Variants in BAIAP2L2 observed in about 807,000 individuals in gnomAD.
BAIAP2L2 encodes the protein BAR/IMD domain containing adaptor protein 2 like 2.
BAIAP2L2 carries 65 observed loss-of-function variants against 60.4 expected under a neutral mutation model. That is an observed-to-expected ratio of 1.08 (90% CI 0.88 to 1.32). The LOEUF (loss-of-function observed/expected upper bound fraction) is 1.32, where lower values mean the gene tolerates loss of function less well. Ranked by LOEUF, BAIAP2L2 falls within the 40% of genes most tolerant of loss-of-function variation. BAIAP2L2 has a pLI of 0.00. For synonymous variants in BAIAP2L2, 344 were observed against 301.7 expected, an observed-to-expected ratio of 1.14 and a Z score of -1.45; for missense variants, 836 against 741.2, an observed-to-expected ratio of 1.13 and a Z score of -1.48.
At chr22:38,109,342 C>A (rs562167223) in intron 1 of BAIAP2L2, 134 bp from the exon 2 acceptor site, 6 of 686,484 alleles carry the variant, frequency 8.7e-6, no homozygotes, top group Non-Finnish European at 1.5e-5. Context: ...CTTTGGGGGG[C>A]CCATCTACAA....
intron 7 of BAIAP2L2, among the ~76,000 whole-genome samples, chr22:38,096,771 A>G (rs1432718891): frequency 1.3e-5 from 2 of 152,288 alleles, no homozygotes; most frequent in African/African-American, 2.4e-5. Context: ...TGGTCCACAC[A>G]TGAATAAATA....
chr22:38,103,416 T>C (rs2086603838), intron 4 of BAIAP2L2, among the ~76,000 whole-genome samples: 1 of 152,190 alleles, frequency 6.6e-6, no homozygotes, highest in Non-Finnish European at 1.5e-5. Flanking sequence ...GTATTCAGAT[T>C]ATGGCTTTGA....
In BAIAP2L2 at chr22:38,085,103, C is replaced by T; in HGVS notation, c.*197G>A. On this transcript the variant is annotated 3_prime_UTR_variant, in exon 14 of 14. Coordinates refer to ENST00000381669, the MANE Select transcript of BAIAP2L2 (RefSeq NM_025045.6). ...TTGTCCTGTCCCCCCATTCCGCCTG[C>T]TTTACTTTGAAGGTCTCGGACCCCA... The T allele has an allele frequency of 1.8e-6, 1 of 565,622 alleles. No homozygotes were observed. The allele number at this position is 565,622 out of a possible 1,614,324, so 35.0% of individuals were successfully genotyped here.
At chr22:38,095,585 G>A (rs947500924) in intron 7 of BAIAP2L2, among the ~76,000 whole-genome samples, 4 of 152,046 alleles carry the variant, frequency 2.6e-5, no homozygotes, top group African/African-American at 7.3e-5. Context: ...GGCTGGTCTC[G>A]AACTCCTGAC....
chr22:38,105,261 GT>G (rs1366941610), intron 4 of BAIAP2L2, among the ~76,000 whole-genome samples: 1 of 151,374 alleles, frequency 6.6e-6, no homozygotes, highest in Non-Finnish European at 1.5e-5. Context: ...TCCACAAGCT[GT>G]CCTTTCTGTC....
chr22:38,108,326 G>A lies in BAIAP2L2; in HGVS notation c.143C>T (p.Ala48Val), dbSNP rs1223685934. ...LRAFHALSEA[A>V]EVYFSAIQKI... is the part of the protein sequence containing the mutation. ...CTGGATGGCACTGAAGTAGACCTCG[G>A]CCGCCTCGGACAGAGCTGTGGACCA... Residue 48 changes from alanine (A) to valine (V), a missense_variant, in exon 3 of 14, where the codon GCC (alanine) becomes GTC (valine). Transcript: ENST00000381669. 2 of 1,612,550 alleles carry A rather than the reference G, an allele frequency of 1.2e-6. No homozygotes were observed. The highest frequency in any genetic ancestry group is 1.3e-5 in the African/African-American group (1 of 75,054).
At position 38,098,088 on chromosome 22, in the gene BAIAP2L2, CTCTT is replaced by C. The variant is rs2086483712; in HGVS notation, c.436_439del (p.Lys146GlufsTer8). ...CTTCATCTCCCGCACGTTCTTGTCT[CTCTT>C]GCGCTCCATGCGCCACAGCTCAGAC... On this transcript the variant is annotated frameshift_variant, in exon 6 of 14. Coordinates refer to ENST00000381669, the MANE Select transcript of BAIAP2L2 (RefSeq NM_025045.6). LOFTEE classifies it high-confidence loss of function. The C allele has an allele frequency of 1.3e-6, 2 of 1,554,550 alleles. No individual in the cohort carries two copies. Among genetic ancestry groups the C allele is most frequent in the Non-Finnish European group, 1.8e-6 (2 of 1,141,566 alleles).
chr22:38,086,526 C>T (rs2086079149), intron 11 of BAIAP2L2, 77 bp from the exon 12 acceptor site: 1 of 1,186,938 alleles, frequency 8.4e-7, no homozygotes, highest in African/African-American at 1.6e-5. Flanking sequence ...AGCTGGGGCA[C>T]CTTAGGCAGG....
At chr22:38,109,448 C>T (rs2086744824) in intron 1 of BAIAP2L2, among the ~76,000 whole-genome samples, 1 of 152,144 alleles carries the variant, frequency 6.6e-6, no homozygotes, top group Non-Finnish European at 1.5e-5. Flanking sequence ...TCACAGCCAG[C>T]TCCCGCTTAC....
intron 4 of BAIAP2L2, among the ~76,000 whole-genome samples, chr22:38,107,641 T>C (rs565332638): frequency 1.3e-5 from 2 of 152,184 alleles, no homozygotes; most frequent in South Asian, 4.1e-4. Flanking sequence ...TCTTCCTCTA[T>C]AAAATGGAGG....
chr22:38,109,983 A>AC (rs947455507), intron 1 of BAIAP2L2, among the ~76,000 whole-genome samples: 12 of 136,176 alleles, frequency 8.8e-5, no homozygotes, highest in African/African-American at 2.9e-4. Flanking sequence ...GGCTGCAACA[A>AC]CCCCCCGGGG....
At chr22:38,094,748 G>A (rs979043998) in intron 7 of BAIAP2L2, among the ~76,000 whole-genome samples, 3 of 152,300 alleles carry the variant, frequency 2.0e-5, no homozygotes, top group African/African-American at 7.2e-5. Flanking sequence ...ATGAGAGCCT[G>A]AGCCGAAATC....
intron 1 of BAIAP2L2, among the ~76,000 whole-genome samples, 182 bp from the exon 2 acceptor site, chr22:38,109,390 G>T (rs1028383521): frequency 1.3e-5 from 2 of 152,054 alleles, no homozygotes; most frequent in South Asian, 4.1e-4. Context: ...TTGGCTGCAG[G>T]GACCTCAGAG....
chr22:38,108,519 G>A (rs773512984), intron 2 of BAIAP2L2, among the ~76,000 whole-genome samples, 178 bp from the exon 3 acceptor site: 6 of 152,186 alleles, frequency 3.9e-5, no homozygotes, highest in Non-Finnish European at 8.8e-5. Context: ...CATAAGGTGA[G>A]GGCTGGGGGC....
At chr22:38,087,073 A>G in intron 11 of BAIAP2L2, 51 bp downstream of exon 11, 3 of 1,476,186 alleles carry the variant, frequency 2.0e-6, no homozygotes, top group Non-Finnish European at 2.7e-6. Context: ...CTGGGCAGTG[A>G]CACCCTTGCC....
Position 38,098,063 on chromosome 22 carries a change from C to A in BAIAP2L2, c.465G>T (p.Lys155Asn). ...RKRDKNVREM[K>N]ESVNRLHAQM... ...CACCCCCGCTTCCCGGCCCTCGCACCTTCATCTCCCGCACGTTCTTGTCTC... is the reference window on the plus strand; with the variant it reads ...CACCCCCGCTTCCCGGCCCTCGCACATTCATCTCCCGCACGTTCTTGTCTC... The change falls in exon 6 of 14, where the codon AAG becomes AAT. Residue 155 changes from lysine (K) to asparagine (N), a missense_variant and splice_region_variant. Coordinates refer to ENST00000381669, the MANE Select transcript of BAIAP2L2 (RefSeq NM_025045.6). 1 of 1,605,890 alleles carries A rather than the reference C, an allele frequency of 6.2e-7. No individual in the cohort carries two copies. The highest frequency in any genetic ancestry group is 8.5e-7 in the Non-Finnish European group (1 of 1,175,196).
At chr22:38,089,278 G>GA in intron 8 of BAIAP2L2, 47 bp from the exon 9 acceptor site, 1 of 45,030 alleles carries the variant, frequency 2.2e-5, no homozygotes, top group Non-Finnish European at 3.9e-5. Context: ...GGGGGGGGGG[G>GA]CGGGGCCGCG....
At chr22:38,102,531 T>A (rs981750238) in intron 4 of BAIAP2L2, among the ~76,000 whole-genome samples, 4 of 152,032 alleles carry the variant, frequency 2.6e-5, no homozygotes, top group Admixed American at 6.6e-5. Flanking sequence ...TAGAAAGTTA[T>A]TATTAGAAAA....
chr22:38,091,857 A>G (rs2145969258), intron 7 of BAIAP2L2, among the ~76,000 whole-genome samples: 1 of 152,348 alleles, frequency 6.6e-6, no homozygotes, highest in South Asian at 2.1e-4. Context: ...GGCATGTCAC[A>G]GCACAGAAAA....
Sources: allele counts gnomAD v4.1 joint callset (sites outside exome capture counted in the v4.1 genomes callset), GRCh38; gene constraint gnomAD v4.1.1; transcripts MANE v1.5; gene names NCBI Gene and HGNC (gene_info 2026-07-23, HGNC 2026-07-21).